Variants in RGS5 observed in about 807,000 individuals in gnomAD.
RGS5 encodes the protein regulator of G-protein signalling 5.
A neutral mutation model predicts 18.9 loss-of-function variants in RGS5; 20 were observed. The observed-to-expected ratio is 1.06, with a 90% CI of 0.74 to 1.54. The LOEUF is 1.54. Among genes scored for constraint, RGS5 ranks in the 40% most tolerant of loss-of-function variants. RGS5 has a pLI of 0.00. For synonymous variants in RGS5, 57 were observed against 76.2 expected, an observed-to-expected ratio of 0.75 and a Z score of 1.31; for missense variants, 201 against 211.8, an observed-to-expected ratio of 0.95 and a Z score of 0.32.
chr1:163,253,186 C>T (rs1648160141), intron 2 of RGS5, among the ~76,000 whole-genome samples: 1 of 152,176 alleles, frequency 6.6e-6, no homozygotes, highest in Non-Finnish European at 1.5e-5. Flanking sequence ...AGCAGTCCTC[C>T]ACTGCTCCAG....
chr1:163,299,865 C>T (rs148955914), intron 2 of RGS5, among the ~76,000 whole-genome samples: 103 of 152,276 alleles, frequency 6.8e-4, no homozygotes, highest in Non-Finnish European at 1.2e-3. Context: ...CAATGGTGCC[C>T]CCAGTGTTTT....
At chr1:163,298,837 G>T (rs1225683412) in intron 2 of RGS5, among the ~76,000 whole-genome samples, 3 of 152,062 alleles carry the variant, frequency 2.0e-5, no homozygotes, top group Non-Finnish European at 1.5e-5. Context: ...GAAATAATTA[G>T]CATACCAAAA....
intron 2 of RGS5, among the ~76,000 whole-genome samples, chr1:163,259,502 G>A (rs1327014853): frequency 1.3e-5 from 2 of 152,086 alleles, no homozygotes; most frequent in African/African-American, 4.8e-5. Flanking sequence ...AGTCCCTGAG[G>A]AAAGACAGAT....
chr1:163,259,584 T>A (rs1648375455), intron 2 of RGS5, among the ~76,000 whole-genome samples: 1 of 152,054 alleles, frequency 6.6e-6, no homozygotes, highest in African/African-American at 2.4e-5. Flanking sequence ...TGAAAGAACA[T>A]CAGTACAGCT....
Position 163,286,436 on chromosome 1 carries a change from C to T in RGS5, c.-281+19797G>A, listed in dbSNP as rs528430932. ...TTACATATGTAAATTAATTTATGCA[C>T]ATAATATACAGTATACATGTATATG... On this transcript the variant is annotated intron_variant, in intron 2 of 5. Transcript: ENST00000618415. Among the ~76,000 whole-genome samples the T allele has an allele frequency of 3.3e-5, 5 of 151,816 alleles. No individual in the cohort carries two copies. In the South Asian group the frequency reaches 1.0e-3, roughly 32 times the overall value.
At chr1:163,256,735 C>T (rs759468038) in intron 2 of RGS5, among the ~76,000 whole-genome samples, 25 of 152,074 alleles carry the variant, frequency 1.6e-4, no homozygotes, top group Non-Finnish European at 3.2e-4. Flanking sequence ...AAATGTAGTA[C>T]TCAGCCAAAG....
chr1:163,163,795 A>G (rs948517161), intron 2 of RGS5, among the ~76,000 whole-genome samples: 4 of 152,232 alleles, frequency 2.6e-5, no homozygotes, highest in Non-Finnish European at 2.9e-5. Context: ...AAAAGAAAGT[A>G]GCTCAGAGCA....
intron 2 of RGS5, among the ~76,000 whole-genome samples, chr1:163,164,880 C>T (rs1463961330): frequency 6.6e-6 from 1 of 152,154 alleles, no homozygotes; most frequent in Non-Finnish European, 1.5e-5. Context: ...CTGGCACATA[C>T]TTAAATGTCT....
At chr1:163,214,540 G>A (rs774559866) in intron 1 of RGS5, among the ~76,000 whole-genome samples, 2 of 151,196 alleles carry the variant, frequency 1.3e-5, no homozygotes, top group East Asian at 1.9e-4. Flanking sequence ...CCCTTCCTTC[G>A]GGCTCATTCT....
intron 1 of RGS5, among the ~76,000 whole-genome samples, chr1:163,312,150 T>G (rs950563328): frequency 1.3e-5 from 2 of 152,120 alleles, no homozygotes; most frequent in African/African-American, 4.8e-5. Flanking sequence ...TCTCATGAGA[T>G]CTGATGGTTT....
intron 1 of RGS5, chr1:163,217,401 A>G: frequency 1.0e-6 from 1 of 993,428 alleles, no homozygotes; most frequent in Non-Finnish European, 1.4e-6. Context: ...CCCATCAAAG[A>G]GAAGAAATTT....
chr1:163,285,775 T>TTCTCTC lies in RGS5; in HGVS notation c.-281+20452_-281+20457dup, dbSNP rs140396614. On this transcript the variant is annotated intron_variant, in intron 2 of 5. Transcript: ENST00000618415. The stretch of plus-strand genomic sequence containing the variant: ...TTTGAAAGTTTGTAGCACCTTCCCC[T>TTCTCTC]TCTCTCTCTCTCTCTCTCTCCTGCT... 1.3e-4 allele frequency among the ~76,000 whole-genome samples: 19 copies of TTCTCTC among 148,766 alleles called. No homozygotes were observed. The South Asian group carries it at 1.7e-3, about 13-fold the overall frequency.
intron 2 of RGS5, among the ~76,000 whole-genome samples, chr1:163,271,752 T>C (rs1213941700): frequency 1.3e-5 from 2 of 152,188 alleles, no homozygotes; most frequent in Admixed American, 1.3e-4. Flanking sequence ...GCTATGAACA[T>C]TTGCATTTAA....
At chr1:163,191,343 TA>T (rs35510973) in intron 1 of RGS5, among the ~76,000 whole-genome samples, 50 of 143,650 alleles carry the variant, frequency 3.5e-4, no homozygotes, top group Middle Eastern at 3.5e-3. Context: ...CAAAATGCTA[TA>T]AAAAAAAAAA....
Position 163,261,894 on chromosome 1 carries a change from A to C in RGS5, c.-281+44339T>G, listed in dbSNP as rs532846494. Among the ~76,000 whole-genome samples the C allele has an allele frequency of 2.2e-3, 333 of 151,982 alleles. 2 individuals are homozygous for C. Among genetic ancestry groups the C allele is most frequent in the African/African-American group, 7.9e-3 (326 of 41,454 alleles). On this transcript the variant is annotated intron_variant, in intron 2 of 5. Coordinates refer to the RGS5 transcript ENST00000618415. The stretch of plus-strand genomic sequence containing the variant: ...CTTTGCATTCCTATTTTTTTTTAAA[A>C]TTATTTCTCATTCAGTTTTTCAACC...
chr1:163,224,885 T>C (rs1308030251), intron 2 of RGS5, among the ~76,000 whole-genome samples: 2 of 152,176 alleles, frequency 1.3e-5, no homozygotes, highest in Admixed American at 1.3e-4. Flanking sequence ...GACTTTTTTT[T>C]TGTTATTGAG....
At chr1:163,228,199 A>G (rs1571305350) in intron 2 of RGS5, among the ~76,000 whole-genome samples, 2 of 152,316 alleles carry the variant, frequency 1.3e-5, no homozygotes, top group East Asian at 3.9e-4. Flanking sequence ...TCCCATCCTC[A>G]CTGCCATAGC....
At position 163,144,665 on chromosome 1, in the gene RGS5, A is replaced by C. The variant is rs1657061349; in HGVS notation, c.*2677T>G. 6.6e-6 allele frequency: 1 copy of C among 152,654 alleles called. No homozygotes were observed. The allele number at this position is 152,654 out of a possible 1,614,324, so 9.5% of individuals were successfully genotyped here. ...GGAGGAGGAGGGAGCTGGAGTGATA[A>C]GCAGATGTTACACATGTTTTTCCTG... On this transcript the variant is annotated 3_prime_UTR_variant, in exon 5 of 5. Coordinates refer to ENST00000313961, the MANE Select transcript of RGS5 (RefSeq NM_003617.4).
intron 2 of RGS5, among the ~76,000 whole-genome samples, chr1:163,292,690 G>C (rs1649320496): frequency 6.6e-6 from 1 of 152,058 alleles, no homozygotes; most frequent in African/African-American, 2.4e-5. Context: ...GCTGTTTTTT[G>C]GCTTTTTAGT....
Sources: allele counts gnomAD v4.1 joint callset (sites outside exome capture counted in the v4.1 genomes callset), GRCh38; gene constraint gnomAD v4.1.1; transcripts MANE v1.5; gene names NCBI Gene and HGNC (gene_info 2026-07-23, HGNC 2026-07-21).